The following PTPRM variants were observed in gnomAD, a reference collection of about 807,000 sequenced individuals.
The protein encoded by PTPRM is protein tyrosine phosphatase receptor type M.
A neutral mutation model predicts 186.7 loss-of-function variants in PTPRM; 47 were observed. That is an observed-to-expected ratio of 0.25 (90% confidence interval 0.20 to 0.32). The LOEUF (loss-of-function observed/expected upper bound fraction) is 0.32. Among genes scored for constraint, PTPRM ranks in the 10% least tolerant of loss-of-function variants. The pLI is 1.00. For missense variants in PTPRM, 1,494 were observed against 1,865.0 expected, an observed-to-expected ratio of 0.80 and a Z score of 3.66; for synonymous variants, 668 against 674.9, an observed-to-expected ratio of 0.99 and a Z score of 0.16.
intron 5 of PTPRM, among the ~76,000 whole-genome samples, chr18:7,948,123 T>G (rs1241128384): frequency 7.9e-6 from 1 of 126,024 alleles, no homozygotes; most frequent in African/African-American, 2.8e-5. Context: ...CTTTCCTGAT[T>G]ATAAAATACA....
intron 22 of PTPRM, among the ~76,000 whole-genome samples, chr18:8,328,154 T>C (rs2095389877): frequency 6.6e-6 from 1 of 152,186 alleles, no homozygotes. Flanking sequence ...AAGATAAATA[T>C]GGTTTATATT....
At chr18:8,247,397 C>A (rs1209678419) in intron 15 of PTPRM, among the ~76,000 whole-genome samples, 1 of 152,194 alleles carries the variant, frequency 6.6e-6, no homozygotes, top group African/African-American at 2.4e-5. Flanking sequence ...GTATTCTCTG[C>A]ATATCCAAAT....
chr18:8,275,860 G>A (rs963905472), intron 19 of PTPRM, among the ~76,000 whole-genome samples: 1 of 152,088 alleles, frequency 6.6e-6, no homozygotes, highest in African/African-American at 2.4e-5. Flanking sequence ...CCTGAGTCAT[G>A]TTGAAACATT....
intron 7 of PTPRM, among the ~76,000 whole-genome samples, chr18:7,967,147 C>T (rs1410991142): frequency 6.8e-5 from 3 of 44,272 alleles, no homozygotes; most frequent in African/African-American, 1.9e-4. Context: ...GGTCCCTGAC[C>T]CCTGACCCCC....
At chr18:7,665,722 C>G (rs1026070356) in intron 1 of PTPRM, among the ~76,000 whole-genome samples, 2 of 151,938 alleles carry the variant, frequency 1.3e-5, no homozygotes, top group African/African-American at 4.8e-5. Flanking sequence ...GTCAGGAGAT[C>G]GAGACCATCC....
At chr18:7,989,831 C>T (rs1222802036) in intron 7 of PTPRM, among the ~76,000 whole-genome samples, 4 of 152,172 alleles carry the variant, frequency 2.6e-5, no homozygotes, top group East Asian at 1.9e-4. Flanking sequence ...CACCTTTGCT[C>T]GCTTCTTTTG....
intron 1 of PTPRM, among the ~76,000 whole-genome samples, chr18:7,593,313 A>C (rs2143652586): frequency 6.6e-6 from 1 of 152,340 alleles, no homozygotes; most frequent in African/African-American, 2.4e-5. Flanking sequence ...TTAAGATAAT[A>C]AAATGTTAAA....
Position 7,738,942 on chromosome 18 carries a change from C to T in PTPRM, c.74-35207C>T, listed in dbSNP as rs112501337. Among the ~76,000 whole-genome samples the T allele has an allele frequency of 2.8e-3, 433 of 152,148 alleles. 1 individual carries two copies. The highest frequency in any genetic ancestry group is 9.2e-3 in the African/African-American group (381 of 41,510). ...GTAATGGATCAGACTGGCAGCACAC[C>T]GCCAGACAGTGACCATGATTTTTTT... On this transcript the variant is annotated intron_variant, in intron 1 of 32. Transcript: ENST00000580170.
chr18:7,609,717 C>T (rs2037626312), intron 1 of PTPRM, among the ~76,000 whole-genome samples: 1 of 152,066 alleles, frequency 6.6e-6, no homozygotes, highest in South Asian at 2.1e-4. Context: ...GGAGGATCTC[C>T]CAAACCCTGT....
At chr18:7,901,276 CCAG>C (rs2049665467) in intron 3 of PTPRM, among the ~76,000 whole-genome samples, 2 of 148,274 alleles carry the variant, frequency 1.3e-5, no homozygotes, top group Non-Finnish European at 3.1e-5. Flanking sequence ...TGCCAGATAG[CCAG>C]AGTTCACAAC....
At chr18:8,314,677 T>G (rs1279052896) in intron 20 of PTPRM, 104 bp from the exon 21 acceptor site, 1 of 656,604 alleles carries the variant, frequency 1.5e-6, no homozygotes, top group African/African-American at 1.8e-5. Context: ...TAAAGCAGAG[T>G]GTCTGTGGGT....
intron 1 of PTPRM, among the ~76,000 whole-genome samples, chr18:7,622,127 G>C (rs906712890): frequency 6.6e-6 from 1 of 152,120 alleles, no homozygotes; most frequent in African/African-American, 2.4e-5. Context: ...AGAATTTGGT[G>C]GTGTCAGTGT....
intron 20 of PTPRM, among the ~76,000 whole-genome samples, chr18:8,314,546 C>G (rs373451062): frequency 1.3e-5 from 2 of 152,060 alleles, no homozygotes; most frequent in East Asian, 3.8e-4. Context: ...GCTTTAGGCC[C>G]GTCAATGATC....
intron 2 of PTPRM, among the ~76,000 whole-genome samples, chr18:7,847,193 G>A (rs528320940): frequency 3.4e-5 from 5 of 146,020 alleles, no homozygotes; most frequent in Admixed American, 1.4e-4. Context: ...TTTTGACAGA[G>A]TATCACTTTG....
intron 7 of PTPRM, among the ~76,000 whole-genome samples, chr18:8,036,726 C>T (rs2086356463): frequency 6.6e-6 from 1 of 152,166 alleles, no homozygotes. Context: ...CTGACTTCTG[C>T]ACCATTTCCT....
At chr18:7,605,219 T>A (rs2037501385) in intron 1 of PTPRM, among the ~76,000 whole-genome samples, 1 of 152,164 alleles carries the variant, frequency 6.6e-6, no homozygotes, top group South Asian at 2.1e-4. Flanking sequence ...TTAAGAAAGT[T>A]AACAAATTTG....
In PTPRM at chr18:7,848,827, G is replaced by C. The variant is rs181796119; in HGVS notation, c.197-39279G>C. Among the ~76,000 whole-genome samples the C allele has an allele frequency of 4.4e-3, 675 of 152,268 alleles. 2 individuals carry two copies. The highest frequency in any genetic ancestry group is 0.015 in the African/African-American group (637 of 41,554). ...GGGAAATTTCTACTTTACACAGTGA[G>C]AGTAAGCCACTGTTTCTAAAATGAA... is the stretch of plus-strand genomic sequence containing the variant. On this transcript the variant is annotated intron_variant, in intron 2 of 32. Transcript: ENST00000580170.
At chr18:7,953,460 T>G (rs950215495) in intron 6 of PTPRM, among the ~76,000 whole-genome samples, 5 of 152,190 alleles carry the variant, frequency 3.3e-5, no homozygotes, top group Admixed American at 2.6e-4. Context: ...GGCAGAGCTG[T>G]TTAAAGAAAT....
intron 14 of PTPRM, among the ~76,000 whole-genome samples, chr18:8,177,002 T>G (rs2093493917): frequency 6.6e-6 from 1 of 152,236 alleles, no homozygotes; most frequent in East Asian, 1.9e-4. Context: ...TTAAAAAATG[T>G]GCACTGATTT....
Sources: gnomAD v4.1 joint callset for allele counts (sites outside exome capture counted in the v4.1 genomes callset) on GRCh38, gnomAD v4.1.1 for gene constraint, MANE v1.5 for transcripts, NCBI Gene and HGNC (gene_info 2026-07-23, HGNC 2026-07-21) for gene names.